RNU5A-1: variants seen among roughly 807,000 people sequenced by gnomAD.
RNU5A-1 encodes RNA, U5A small nuclear 1.
exon 1 of RNU5A-1, chr15:65,296,133 A>G (rs1226463452): frequency 1.3e-5 from 2 of 152,186 alleles, no homozygotes; most frequent in African/African-American, 2.4e-5. Context: ...CTGAGTCTTA[A>G]CCCAATTTTT....
exon 1 of RNU5A-1, chr15:65,296,051 A>G (rs1487820642): frequency 2.6e-5 from 4 of 152,232 alleles, no homozygotes; most frequent in Non-Finnish European, 5.9e-5. Context: ...AGTAACTGGT[A>G]TACTCTGGTT....
exon 1 of RNU5A-1, chr15:65,296,115 G>A (rs533164656): frequency 3.0e-4 from 45 of 152,270 alleles, no homozygotes; most frequent in Non-Finnish European, 3.8e-4. Flanking sequence ...CCGTGGAGAG[G>A]AACAACTCTG....
At chr15:65,296,064 T>G (rs899105085) in exon 1 of RNU5A-1, 1 of 152,196 alleles carries the variant, frequency 6.6e-6, no homozygotes, top group Non-Finnish European at 1.5e-5. Context: ...CTCTGGTTTC[T>G]CTTCAGATCG....
chr15:65,296,134 C>G (rs551852414), exon 1 of RNU5A-1: 2 of 152,134 alleles, frequency 1.3e-5, no homozygotes, highest in Non-Finnish European at 2.9e-5. Context: ...TGAGTCTTAA[C>G]CCAATTTTTT....
exon 1 of RNU5A-1, chr15:65,296,068 C>G (rs1185479524): frequency 6.6e-6 from 1 of 152,322 alleles, no homozygotes; most frequent in African/African-American, 2.4e-5. Flanking sequence ...GGTTTCTCTT[C>G]AGATCGCATA....
exon 1 of RNU5A-1, chr15:65,296,113 A>G (rs968991801): frequency 1.3e-5 from 2 of 152,166 alleles, no homozygotes; most frequent in South Asian, 2.1e-4. Context: ...TTCCGTGGAG[A>G]GGAACAACTC....
chr15:65,296,082 C>G (rs566685241), exon 1 of RNU5A-1: 3 of 152,172 alleles, frequency 2.0e-5, no homozygotes, highest in African/African-American at 4.8e-5. Flanking sequence ...TCGCATAAAT[C>G]TTTCGCCTTT....
At chr15:65,296,121 C>T (rs945239022) in exon 1 of RNU5A-1, 10 of 152,192 alleles carry the variant, frequency 6.6e-5, no homozygotes, top group South Asian at 6.2e-4. Context: ...AGAGGAACAA[C>T]TCTGAGTCTT....
chr15:65,296,124 T>TG (rs1028417217), exon 1 of RNU5A-1: 7 of 152,186 alleles, frequency 4.6e-5, no homozygotes, highest in African/African-American at 1.7e-4. Context: ...GGAACAACTC[T>TG]GAGTCTTAAC....
chr15:65,296,139 T>C (rs951067134), exon 1 of RNU5A-1: 3 of 152,324 alleles, frequency 2.0e-5, no homozygotes, highest in Non-Finnish European at 2.9e-5. Context: ...CTTAACCCAA[T>C]TTTTTGAGGC....
exon 1 of RNU5A-1, chr15:65,296,060 T>C (rs1056719804): frequency 3.9e-5 from 6 of 152,210 alleles, no homozygotes; most frequent in African/African-American, 1.4e-4. Context: ...TATACTCTGG[T>C]TTCTCTTCAG....
At chr15:65,296,128 T>C (rs566078606) in exon 1 of RNU5A-1, 1 of 152,192 alleles carries the variant, frequency 6.6e-6, no homozygotes, top group Non-Finnish European at 1.5e-5. Flanking sequence ...CAACTCTGAG[T>C]CTTAACCCAA....
At position 65,296,070 on chromosome 15, in the gene RNU5A-1, G is replaced by T. The variant is rs138364516; in HGVS notation, n.20G>T. The T allele has an allele frequency of 2.0e-5, 3 of 152,206 alleles. No individual in the cohort carries two copies. In the East Asian group the frequency reaches 5.8e-4, roughly 29 times the overall value. 9.4% of individuals were successfully genotyped at this position (152,206 alleles called of 1,614,324 possible). A position where few individuals can be genotyped will look rare whatever the true frequency, so the allele number is the denominator to read the frequency against. On this transcript the variant is annotated non_coding_transcript_exon_variant, in exon 1 of 1. Transcript: ENST00000362698. ...ACTGGTATACTCTGGTTTCTCTTCA[G>T]ATCGCATAAATCTTTCGCCTTTTAC...
exon 1 of RNU5A-1, chr15:65,296,102 T>C (rs963581696): frequency 6.6e-6 from 1 of 152,218 alleles, no homozygotes; most frequent in Non-Finnish European, 1.5e-5. Flanking sequence ...TTACTAAAGA[T>C]TTCCGTGGAG....
chr15:65,296,137 A>G (rs1026574320), exon 1 of RNU5A-1: 5 of 152,160 alleles, frequency 3.3e-5, no homozygotes, highest in African/African-American at 9.7e-5. Context: ...GTCTTAACCC[A>G]ATTTTTTGAG....
At chr15:65,296,109 G>A (rs541137689) in exon 1 of RNU5A-1, 5 of 152,158 alleles carry the variant, frequency 3.3e-5, no homozygotes, top group African/African-American at 4.8e-5. Context: ...AGATTTCCGT[G>A]GAGAGGAACA....
At chr15:65,296,080 A>C (rs767193830) in exon 1 of RNU5A-1, 2 of 152,172 alleles carry the variant, frequency 1.3e-5, no homozygotes, top group African/African-American at 2.4e-5. Context: ...GATCGCATAA[A>C]TCTTTCGCCT....
exon 1 of RNU5A-1, chr15:65,296,062 T>TA (rs895453639): frequency 3.9e-5 from 6 of 152,220 alleles, no homozygotes; most frequent in Non-Finnish European, 5.9e-5. Context: ...TACTCTGGTT[T>TA]CTCTTCAGAT....
exon 1 of RNU5A-1, chr15:65,296,138 A>AT (rs1373261134): frequency 6.6e-6 from 1 of 152,182 alleles, no homozygotes; most frequent in Non-Finnish European, 1.5e-5. Context: ...TCTTAACCCA[A>AT]TTTTTTGAGG....
Sources: allele counts gnomAD v4.1 joint callset, GRCh38; gene constraint gnomAD v4.1.1; transcripts MANE v1.5; gene names NCBI Gene and HGNC (gene_info 2026-07-23, HGNC 2026-07-21).